The following ABCC5 variants were observed in gnomAD, a reference collection of about 807,000 sequenced individuals.
ABCC5 encodes ATP binding cassette subfamily C member 5.
Under a neutral mutation model 160.9 loss-of-function variants are expected in ABCC5, and 61 were observed. The observed-to-expected ratio is 0.38, with a 90% confidence interval of 0.31 to 0.47. The LOEUF (loss-of-function observed/expected upper bound fraction) is 0.47, where lower values mean the gene tolerates loss of function less well. Ranked by LOEUF, ABCC5 falls within the 20% of genes least tolerant of loss-of-function variation. The pLI is 0.99. For synonymous variants in ABCC5, 666 were observed against 700.6 expected (o/e 0.95, Z 0.78); for missense variants, 1,308 against 1,813.3 (o/e 0.72, Z 5.06).
intron 26 of ABCC5, among the ~76,000 whole-genome samples, chr3:183,931,994 A>G (rs1713226253): frequency 6.6e-6 from 1 of 152,240 alleles, no homozygotes; most frequent in South Asian, 2.1e-4. Context: ...GTACATTTTC[A>G]TCTTTGGTTC....
At position 183,963,499 on chromosome 3, in the gene ABCC5, G is replaced by T. The variant is rs760758062; in HGVS notation, c.2121C>A (p.Ile707=). ...CTAAGGCACTGAGGGGGTCGTCCAG[G>T]ATGTAGATGCTCCTGTCACTATACA... ...RALYSDRSIY[I]LDDPLSALDA... is the part of the protein sequence containing the mutation. Residue 707 remains isoleucine (I), a synonymous_variant, in exon 15 of 30, where the codon ATC becomes ATA. Coordinates refer to ENST00000334444, the MANE Select transcript of ABCC5 (RefSeq NM_005688.4). This position sits in a 1 kb window ranked among gnomAD's most constrained non-coding sequence, Gnocchi z 4.6. 6.2e-7 allele frequency: 1 copy of T among 1,614,244 alleles called. No individual in the cohort carries two copies.
chr3:183,967,335 C>T (rs1169599489), intron 12 of ABCC5: 7 of 240,150 alleles, frequency 2.9e-5, no homozygotes, highest in Admixed American at 2.0e-4. Context: ...TACAGGTTAA[C>T]TCTGTTGGCA....
chr3:183,945,795 G>A, intron 24 of ABCC5, 55 bp downstream of exon 24: 3 of 1,486,004 alleles, frequency 2.0e-6, no homozygotes, highest in Admixed American at 1.7e-5. Flanking sequence ...GCAGCAAAGG[G>A]TAAACCGACT....
chr3:183,978,364 T>C, intron 9 of ABCC5, 139 bp downstream of exon 9: 1 of 938,492 alleles, frequency 1.1e-6, no homozygotes, highest in Non-Finnish European at 1.6e-6. Flanking sequence ...AGTCTTGCTC[T>C]GTCCCCCAGG....
chr3:183,989,079 G>C lies in ABCC5; in HGVS notation c.287+147C>G. 3 of 777,794 alleles carry C rather than the reference G, an allele frequency of 3.9e-6. No homozygotes were observed. In the South Asian group the frequency reaches 5.9e-5, roughly 15 times the overall value. 48.2% of individuals were successfully genotyped at this position (777,794 alleles called of 1,614,324 possible). On this transcript the variant is annotated intron_variant, in intron 3 of 29. Transcript: ENST00000334444. ...AGCTACTCAGGAGGCTGAGAGGCAG[G>C]AGAATCACTTGAACCCAGGAGGCGG...
intron 10 of ABCC5, among the ~76,000 whole-genome samples, chr3:183,974,667 G>A (rs1718062960): frequency 6.6e-6 from 1 of 152,188 alleles, no homozygotes; most frequent in Non-Finnish European, 1.5e-5. Flanking sequence ...TATATTCCAT[G>A]CAGTATTTCA....
Position 183,949,948 on chromosome 3 carries a change from C to A in ABCC5, c.3098+24G>T. 12 of 1,614,010 alleles carry A rather than the reference C, an allele frequency of 7.4e-6. No homozygotes were observed. The highest frequency in any genetic ancestry group is 1.0e-5 in the Non-Finnish European group (12 of 1,179,932). ...AACTGAGGCTTCTCCGTGGCCCCAG[C>A]AGACATGAACGCTTCCTATTTACCT... On this transcript the variant is annotated intron_variant, in intron 21 of 29. Coordinates refer to ENST00000334444, the MANE Select transcript of ABCC5 (RefSeq NM_005688.4). This position sits in a 1 kb window ranked among gnomAD's most constrained non-coding sequence, Gnocchi z 4.2.
intron 2 of ABCC5, among the ~76,000 whole-genome samples, chr3:183,991,915 TTAAG>T (rs1719802729): frequency 6.6e-6 from 1 of 152,112 alleles, no homozygotes; most frequent in Non-Finnish European, 1.5e-5. Context: ...CACACCTACT[TTAAG>T]TGAGTAGAAA....
Position 183,971,873 on chromosome 3 carries a change from G to T in ABCC5, c.1451C>A (p.Ala484Asp), listed in dbSNP as rs961186796. 1 of 1,614,154 alleles carries T rather than the reference G, an allele frequency of 6.2e-7. No homozygotes were observed. Among genetic ancestry groups the T allele is most frequent in the Non-Finnish European group, 8.5e-7 (1 of 1,180,040 alleles). The part of the protein sequence containing the change: ...EEVHMIKNKP[A>D]SPHIKIEMKN... Reference sequence around the variant, plus strand: ...CATCTCTATCTTGATGTGAGGACTGGCTGGTTTGTTCTTTATCATGTGAAC... The same window carrying T: ...CATCTCTATCTTGATGTGAGGACTGTCTGGTTTGTTCTTTATCATGTGAAC... Residue 484 changes from alanine (A) to aspartate (D), a missense_variant, in exon 11 of 30, where the codon GCC (alanine) becomes GAC (aspartate). Physicochemically the swap from Ala to Asp is moderately radical, Grantham distance 126. Around this residue, in one of 3 missense-constraint regions of ABCC5, gnomAD observed 1,142 missense variants for 1,527.1 expected, o/e 0.75. Transcript: ENST00000334444.
intron 2 of ABCC5, among the ~76,000 whole-genome samples, chr3:184,007,186 A>C (rs112396093): frequency 0.23 from 34,541 of 151,296 alleles, 4,858 homozygotes; most frequent in Non-Finnish European, 0.32. Flanking sequence ...ATGCCCAGCT[A>C]ATTTTTTGTA....
chr3:183,980,993 G>C (rs531306108), intron 8 of ABCC5, among the ~76,000 whole-genome samples: 11 of 152,244 alleles, frequency 7.2e-5, no homozygotes, highest in African/African-American at 2.6e-4. Flanking sequence ...GATTACAGGC[G>C]TGAGCCACTG....
At position 183,951,826 on chromosome 3, in the gene ABCC5, A is replaced by C. The variant is rs755498692; in HGVS notation, c.2814+31T>G. The C allele has an allele frequency of 6.2e-6, 10 of 1,603,154 alleles. No homozygotes were observed. Among genetic ancestry groups the C allele is most frequent in the Non-Finnish European group, 8.5e-6 (10 of 1,173,182 alleles). On this transcript the variant is annotated intron_variant, in intron 19 of 29. Transcript: ENST00000334444. The surrounding 1 kb of genome is among the most constrained non-coding windows in gnomAD (Gnocchi z 4.7). ...AAAGCCTGACCACAGGTCACCAGGG[A>C]GGAGGGCAGAGACCACCCACCAATG...
rs139778858 is a variant in ABCC5 at position 184,009,639 on chromosome 3, A to G, written c.129+4625T>C. Among the ~76,000 whole-genome samples the G allele has an allele frequency of 3.2e-3, 485 of 152,318 alleles. 1 individual carries two copies. The highest frequency in any genetic ancestry group is 0.011 in the African/African-American group (459 of 41,564). On this transcript the variant is annotated intron_variant, in intron 2 of 29. Coordinates refer to ENST00000334444, the MANE Select transcript of ABCC5 (RefSeq NM_005688.4). ...TTTTTGACAGGTAACGGTCAAGCAG[A>G]TTCTAGATGGTGTCTGAACTTACAA...
chr3:184,009,628 C>T (rs1011140103), intron 2 of ABCC5, among the ~76,000 whole-genome samples: 5 of 152,042 alleles, frequency 3.3e-5, no homozygotes, highest in Non-Finnish European at 7.4e-5. Context: ...TGACAGGTAA[C>T]GGTCAAGCAG....
chr3:183,940,424 C>T (rs931185510), intron 25 of ABCC5, among the ~76,000 whole-genome samples: 3 of 137,504 alleles, frequency 2.2e-5, no homozygotes, highest in African/African-American at 8.1e-5. Flanking sequence ...TGCACCACTG[C>T]ACTCTAGCCT....
chr3:183,954,609 G>A (rs1715696097), intron 17 of ABCC5, among the ~76,000 whole-genome samples: 1 of 152,204 alleles, frequency 6.6e-6, no homozygotes, highest in African/African-American at 2.4e-5. Context: ...CATAGTAACT[G>A]GCTGGCTGCT....
chr3:183,942,589 T>G (rs773406591), intron 25 of ABCC5, 138 bp downstream of exon 25: 76 of 1,077,788 alleles, frequency 7.1e-5, no homozygotes, highest in Non-Finnish European at 1.0e-4. Flanking sequence ...ACAATAAACC[T>G]AGAAAATTGG....
At chr3:183,993,642 ACC>A (rs1254127178) in intron 2 of ABCC5, among the ~76,000 whole-genome samples, 3 of 152,078 alleles carry the variant, frequency 2.0e-5, no homozygotes, top group African/African-American at 7.2e-5. Flanking sequence ...ACATGCATGC[ACC>A]CCACTGCAGA....
Position 183,987,425 on chromosome 3 carries a change from A to G in ABCC5, c.591+345T>C. 1 of 544,998 alleles carries G rather than the reference A, an allele frequency of 1.8e-6. No homozygotes were observed. Among genetic ancestry groups the G allele is most frequent in the Non-Finnish European group, 3.3e-6 (1 of 306,660 alleles). 33.8% of individuals were successfully genotyped at this position (544,998 alleles called of 1,614,324 possible). ...CTGGCTCACCAGCCCGGGCCACACA[A>G]CGTGCTCTCACCCACTCATAGCACT... On this transcript the variant is annotated intron_variant, in intron 5 of 29. Transcript: ENST00000334444. The surrounding 1 kb of genome is among the most constrained non-coding windows in gnomAD (Gnocchi z 4.2).
Sources: gnomAD v4.1 joint callset for allele counts (sites outside exome capture counted in the v4.1 genomes callset) on GRCh38, gnomAD v4.1.1 for gene constraint, gnomAD v4.1.1 regional missense constraint, Gnocchi (gnomAD v3.1) non-coding constraint, MANE v1.5 for transcripts, NCBI Gene and HGNC (gene_info 2026-07-23, HGNC 2026-07-21) for gene names.